The following CTNND2 variants were observed in gnomAD, a reference collection of about 807,000 sequenced individuals.
CTNND2 encodes the protein catenin delta-2.
In CTNND2, 22 loss-of-function variants were observed where a neutral mutation model predicts 144.4. The observed-to-expected ratio is 0.15, with a 90% confidence interval of 0.11 to 0.22. CTNND2 has a LOEUF of 0.22. Ranked by LOEUF, CTNND2 falls within the 10% of genes least tolerant of loss-of-function variation. The pLI is 1.00. For missense variants in CTNND2, 1,353 were observed against 1,618.8 expected, an observed-to-expected ratio of 0.84 and a Z score of 2.82; for synonymous variants, 751 against 695.6, an observed-to-expected ratio of 1.08 and a Z score of -1.25.
intron 16 of CTNND2, among the ~76,000 whole-genome samples, chr5:11,042,567 T>C (rs1038941432): frequency 1.3e-5 from 2 of 152,216 alleles, no homozygotes; most frequent in Admixed American, 1.3e-4. Context: ...ACTCATGTAA[T>C]TTTGTTGCCC....
chr5:11,525,632 C>G (rs1773174915), intron 3 of CTNND2, among the ~76,000 whole-genome samples: 1 of 152,182 alleles, frequency 6.6e-6, no homozygotes, highest in African/African-American at 2.4e-5. Flanking sequence ...CAGCAGTTCT[C>G]AAATAGCATC....
chr5:11,551,935 G>A (rs970260336), intron 3 of CTNND2, among the ~76,000 whole-genome samples: 14 of 151,844 alleles, frequency 9.2e-5, no homozygotes, highest in South Asian at 2.1e-4. Flanking sequence ...AGGTTTTGCC[G>A]TGTTGCCCAG....
chr5:11,570,177 T>C (rs1777448709), intron 2 of CTNND2, among the ~76,000 whole-genome samples: 1 of 152,174 alleles, frequency 6.6e-6, no homozygotes, highest in African/African-American at 2.4e-5. Context: ...CACAAACATA[T>C]GAAATAATAT....
At chr5:11,482,889 G>GA (rs2149978820) in intron 3 of CTNND2, among the ~76,000 whole-genome samples, 1 of 152,238 alleles carries the variant, frequency 6.6e-6, no homozygotes, top group South Asian at 2.1e-4. Context: ...CAGGGGGCAA[G>GA]GAGTTGGTGT....
At chr5:11,686,576 C>A (rs2126639031) in intron 2 of CTNND2, among the ~76,000 whole-genome samples, 1 of 152,064 alleles carries the variant, frequency 6.6e-6, no homozygotes, top group South Asian at 2.1e-4. Flanking sequence ...AAAAGGGGTT[C>A]TCAGTAGTCA....
At chr5:11,623,403 C>T (rs1243323769) in intron 2 of CTNND2, among the ~76,000 whole-genome samples, 1 of 151,916 alleles carries the variant, frequency 6.6e-6, no homozygotes, top group Non-Finnish European at 1.5e-5. Flanking sequence ...AAAGGGTTTC[C>T]CCTTTCTCTT....
At chr5:11,029,559 C>G (rs534471837) in intron 16 of CTNND2, among the ~76,000 whole-genome samples, 3 of 152,302 alleles carry the variant, frequency 2.0e-5, no homozygotes, top group East Asian at 1.9e-4. Flanking sequence ...TGTTCATTTA[C>G]AGTTCCATCT....
intron 2 of CTNND2, among the ~76,000 whole-genome samples, chr5:11,620,298 G>A (rs1007892088): frequency 1.1e-4 from 16 of 152,170 alleles, no homozygotes; most frequent in African/African-American, 3.9e-4. Context: ...CATATGCAAG[G>A]TAACCAATCC....
intron 2 of CTNND2, among the ~76,000 whole-genome samples, chr5:11,620,513 G>A (rs184651145): frequency 7.2e-5 from 11 of 152,208 alleles, no homozygotes; most frequent in East Asian, 5.8e-4. Flanking sequence ...AAATAAAGGC[G>A]CTTGCCCACA....
At chr5:11,865,375 T>C (rs976777221) in intron 1 of CTNND2, among the ~76,000 whole-genome samples, 2 of 152,130 alleles carry the variant, frequency 1.3e-5, no homozygotes, top group Non-Finnish European at 2.9e-5. Flanking sequence ...GAGCCTGATA[T>C]GGGAAGAACT....
At chr5:11,035,252 G>A (rs1743945208) in intron 16 of CTNND2, among the ~76,000 whole-genome samples, 1 of 152,090 alleles carries the variant, frequency 6.6e-6, no homozygotes, top group South Asian at 2.1e-4. Flanking sequence ...ATTAGGGTGT[G>A]GGTAGATTAC....
chr5:11,346,239 C>T, intron 9 of CTNND2, 133 bp downstream of exon 9: 2 of 853,492 alleles, frequency 2.3e-6, no homozygotes, highest in East Asian at 6.1e-5. Context: ...CCAAGTCAAA[C>T]AAAAGAAAAC....
chr5:11,012,685 A>G (rs987786475), intron 18 of CTNND2, among the ~76,000 whole-genome samples: 2 of 152,216 alleles, frequency 1.3e-5, no homozygotes, highest in African/African-American at 4.8e-5. Flanking sequence ...GGTAAGTGGC[A>G]GGGCTGTGCT....
chr5:11,069,677 CAGAG>C (rs1485788992), intron 16 of CTNND2, among the ~76,000 whole-genome samples: 590 of 29,774 alleles, frequency 0.02, 3 homozygotes, highest in African/African-American at 0.14. Context: ...GACAGACAGA[CAGAG>C]AGACAGAGAG....
chr5:11,344,627 C>T (rs928742372), intron 9 of CTNND2, among the ~76,000 whole-genome samples: 2 of 151,998 alleles, frequency 1.3e-5, no homozygotes, highest in Non-Finnish European at 2.9e-5. Flanking sequence ...TCATATAGCA[C>T]TAATCTGCAT....
intron 2 of CTNND2, among the ~76,000 whole-genome samples, chr5:11,648,589 C>T (rs1782481563): frequency 6.6e-6 from 1 of 152,074 alleles, no homozygotes; most frequent in Non-Finnish European, 1.5e-5. Context: ...TACCTGATGC[C>T]TGTTTTGCTA....
At chr5:10,978,385 G>A (rs1356659688) in intron 21 of CTNND2, among the ~76,000 whole-genome samples, 2 of 152,212 alleles carry the variant, frequency 1.3e-5, no homozygotes, top group African/African-American at 2.4e-5. Context: ...AAAACTGCAA[G>A]TGAAGACAAG....
At chr5:10,990,247 G>T (rs529899887) in intron 19 of CTNND2, among the ~76,000 whole-genome samples, 1 of 152,324 alleles carries the variant, frequency 6.6e-6, no homozygotes, top group South Asian at 2.1e-4. Flanking sequence ...CTGGGACTTG[G>T]GCCATCTCTG....
intron 3 of CTNND2, among the ~76,000 whole-genome samples, chr5:11,508,924 A>T (rs75103619): frequency 6.6e-6 from 1 of 152,126 alleles, no homozygotes; most frequent in Non-Finnish European, 1.5e-5. Flanking sequence ...AAAAAAAAAA[A>T]TTCCCAGGAT....
Sources: gnomAD v4.1 joint callset for allele counts (sites outside exome capture counted in the v4.1 genomes callset) on GRCh38, gnomAD v4.1.1 for gene constraint, MANE v1.5 for transcripts, NCBI Gene and HGNC (gene_info 2026-07-23, HGNC 2026-07-21) for gene names.